The following TNKS variants were observed in gnomAD, a reference collection of about 807,000 sequenced individuals.
TNKS encodes the protein poly [ADP-ribose] polymerase tankyrase-1.
A neutral mutation model predicts 135.8 loss-of-function variants in TNKS; 72 were observed. The observed-to-expected ratio is 0.53, with a 90% CI of 0.44 to 0.64. The LOEUF (loss-of-function observed/expected upper bound fraction) is 0.64. TNKS is among the 30% of genes least tolerant of loss of function. The pLI is 0.00. For synonymous variants in TNKS, 849 were observed against 649.3 expected, an observed-to-expected ratio of 1.31 and a Z score of -4.68; for missense variants, 1,769 against 1,674.0, an observed-to-expected ratio of 1.06 and a Z score of -0.99.
rs34422213 is a variant in TNKS, at chr8:9,704,119, C to T, written c.1108-544C>T. ...CAAATTAGTTTTGACCATTACTAGCCGCCGTACAGAATGAATAAGGCCCAT... is the reference window on the plus strand; with the variant it reads ...CAAATTAGTTTTGACCATTACTAGCTGCCGTACAGAATGAATAAGGCCCAT... On this transcript the variant is annotated intron_variant, in intron 5 of 26. Transcript: ENST00000310430. Among the ~76,000 whole-genome samples the T allele has an allele frequency of 4.6e-5, 7 of 152,126 alleles. No homozygotes were observed. The South Asian group carries it at 1.0e-3, about 23-fold the overall frequency.
chr8:9,564,581 C>G (rs6990558), intron 1 of TNKS, among the ~76,000 whole-genome samples: 3,189 of 152,228 alleles, frequency 0.021, 106 homozygotes, highest in African/African-American at 0.069. Flanking sequence ...GACAAAGAAT[C>G]TTTGGGTAGC....
intron 5 of TNKS, 118 bp downstream of exon 5, chr8:9,680,918 A>G (rs1003143070): frequency 1.5e-6 from 1 of 666,030 alleles, no homozygotes; most frequent in Non-Finnish European, 2.6e-6. Context: ...GCATCTTTTC[A>G]CTGTAAATGA....
In TNKS at chr8:9,669,244, C is replaced by T. The variant is rs548472288; in HGVS notation, c.995-10707C>T. Among the ~76,000 whole-genome samples, 315 of 150,388 alleles carry T rather than the reference C, an allele frequency of 2.1e-3. 2 individuals are homozygous for T. The highest frequency in any genetic ancestry group is 6.8e-3 in the African/African-American group (280 of 40,932). The stretch of plus-strand genomic sequence containing the variant: ...CCATCCTGGCTAACAAGGTGAAACC[C>T]CGTCTCTACTAAAAATACAAAAAAT... On this transcript the variant is annotated intron_variant, in intron 3 of 26. Coordinates refer to ENST00000310430, the MANE Select transcript of TNKS (RefSeq NM_003747.3).
At chr8:9,690,071 T>C (rs1046805073) in intron 5 of TNKS, among the ~76,000 whole-genome samples, 3 of 152,236 alleles carry the variant, frequency 2.0e-5, no homozygotes, top group Non-Finnish European at 2.9e-5. Context: ...CCAAGAAACC[T>C]TTGATTTTTT....
At chr8:9,691,029 G>C (rs1297775775) in intron 5 of TNKS, among the ~76,000 whole-genome samples, 1 of 152,152 alleles carries the variant, frequency 6.6e-6, no homozygotes, top group African/African-American at 2.4e-5. Flanking sequence ...GTTTAGATCA[G>C]ACCATATTTG....
At chr8:9,661,073 G>T (rs1801685962) in intron 3 of TNKS, among the ~76,000 whole-genome samples, 1 of 151,848 alleles carries the variant, frequency 6.6e-6, no homozygotes, top group Non-Finnish European at 1.5e-5. Flanking sequence ...TCTGCTCAAT[G>T]AAATAAAAGA....
rs1344846710 is a variant in TNKS at position 9,711,169 on chromosome 8, GA to G, written c.1749+954del. On this transcript the variant is annotated intron_variant, in intron 11 of 26. Transcript: ENST00000310430. ...ATGGAGCATACAAGATGCCCTGTTG[GA>G]AAAATCCTAGCATTTCAATTTATAA... is the stretch of plus-strand genomic sequence containing the variant. 2.0e-5 allele frequency among the ~76,000 whole-genome samples: 3 copies of G among 152,034 alleles called. No homozygotes were observed. In the East Asian group the frequency reaches 5.8e-4, roughly 29 times the overall value.
intron 18 of TNKS, among the ~76,000 whole-genome samples, chr8:9,748,529 G>T (rs568347608): frequency 7.9e-5 from 12 of 152,120 alleles, no homozygotes; most frequent in Middle Eastern, 3.2e-3. Context: ...TATTTGGCAT[G>T]TTATTGTAGA....
rs537062432 is a variant in TNKS, at chr8:9,664,393, G to A, written c.995-15558G>A. On this transcript the variant is annotated intron_variant, in intron 3 of 26. Coordinates refer to ENST00000310430, the MANE Select transcript of TNKS (RefSeq NM_003747.3). ...ACTTCCTCCCCGTGCACCTTCCAAC[G>A]CAAATTAAATTATTCATGAGGGATC... Among the ~76,000 whole-genome samples, 57 of 152,216 alleles carry A rather than the reference G, an allele frequency of 3.7e-4. No individual in the cohort carries two copies. In the East Asian group the frequency reaches 6.4e-3, roughly 17 times the overall value.
chr8:9,566,386 A>T (rs1797541194), intron 1 of TNKS: 1 of 152,150 alleles, frequency 6.6e-6, no homozygotes, highest in South Asian at 2.1e-4. Context: ...ACAACAGAAA[A>T]ATATAACTGT....
At chr8:9,715,788 T>G (rs927558796) in intron 11 of TNKS, among the ~76,000 whole-genome samples, 8 of 152,062 alleles carry the variant, frequency 5.3e-5, no homozygotes, top group African/African-American at 1.9e-4. Flanking sequence ...AGGAGTAAAC[T>G]TTTGTTCCTT....
chr8:9,736,583 G>C (rs1292807345), intron 17 of TNKS, among the ~76,000 whole-genome samples: 4 of 135,344 alleles, frequency 3.0e-5, no homozygotes, highest in African/African-American at 1.1e-4. Context: ...TTTGTATAAG[G>C]TGTAAGGAAG....
At chr8:9,745,019 A>G (rs77548287) in intron 17 of TNKS, among the ~76,000 whole-genome samples, 13,886 of 152,284 alleles carry the variant, frequency 0.091, 753 homozygotes, top group South Asian at 0.17. Context: ...CTACCAGATT[A>G]TATTATTCGG....
intron 3 of TNKS, among the ~76,000 whole-genome samples, chr8:9,669,724 T>G (rs1056713947): frequency 1.3e-5 from 2 of 152,162 alleles, no homozygotes; most frequent in African/African-American, 4.8e-5. Flanking sequence ...GCTCATTAAT[T>G]TGGAATAACC....
At chr8:9,688,194 G>C (rs1356189172) in intron 5 of TNKS, among the ~76,000 whole-genome samples, 1 of 152,080 alleles carries the variant, frequency 6.6e-6, no homozygotes, top group East Asian at 1.9e-4. Context: ...GTACCCTTTG[G>C]TTTGAACAGA....
intron 11 of TNKS, among the ~76,000 whole-genome samples, chr8:9,718,604 G>A (rs1195661218): frequency 6.6e-6 from 1 of 152,082 alleles, no homozygotes; most frequent in African/African-American, 2.4e-5. Context: ...TTCATCTTCT[G>A]TAAAGTCATT....
chr8:9,598,793 A>G (rs865781373), intron 2 of TNKS, among the ~76,000 whole-genome samples: 3,815 of 86,440 alleles, frequency 0.044, 392 homozygotes, highest in African/African-American at 0.15. Context: ...ATATATATAT[A>G]TATATATATA....
chr8:9,704,629 T>G, intron 5 of TNKS, 34 bp from the exon 6 acceptor site: 1 of 1,554,434 alleles, frequency 6.4e-7, no homozygotes, highest in Non-Finnish European at 8.8e-7. Context: ...GTTTGTTTGT[T>G]TTTACCTGAA....
At chr8:9,561,003 A>C (rs896114800) in intron 1 of TNKS, among the ~76,000 whole-genome samples, 10 of 152,330 alleles carry the variant, frequency 6.6e-5, no homozygotes, top group African/African-American at 2.4e-4. Context: ...TTTATTGCTA[A>C]TAGCAAAAAA....
Sources: allele counts gnomAD v4.1 joint callset (sites outside exome capture counted in the v4.1 genomes callset), GRCh38; gene constraint gnomAD v4.1.1; transcripts MANE v1.5; gene names NCBI Gene and HGNC (gene_info 2026-07-23, HGNC 2026-07-21).